The following NRP2 variants were observed in gnomAD, a reference collection of about 807,000 sequenced individuals.
NRP2 encodes the protein neuropilin-2.
NRP2 carries 52 observed loss-of-function variants against 110.4 expected under a neutral mutation model. That is an observed-to-expected ratio of 0.47 (90% CI 0.38 to 0.59). The LOEUF (loss-of-function observed/expected upper bound fraction) is 0.59, where lower values mean the gene tolerates loss of function less well. Ranked by LOEUF, NRP2 falls within the 20% of genes least tolerant of loss-of-function variation. NRP2 has a pLI of 0.00. For synonymous variants in NRP2, 508 were observed against 468.9 expected, an observed-to-expected ratio of 1.08 and a Z score of -1.08; for missense variants, 1,049 against 1,203.0, an observed-to-expected ratio of 0.87 and a Z score of 1.89.
At chr2:205,695,973 T>A (rs2056415982) in intron 1 of NRP2, among the ~76,000 whole-genome samples, 1 of 152,030 alleles carries the variant, frequency 6.6e-6, no homozygotes, top group Non-Finnish European at 1.5e-5. Flanking sequence ...TGCAGGGTCA[T>A]TAGGTAAGAA....
rs1559339387 is a variant in NRP2 at position 205,740,509 on chromosome 2, T to C, written c.1147-10T>C. On this transcript the variant is annotated splice_polypyrimidine_tract_variant and intron_variant, in intron 7 of 16. Coordinates refer to ENST00000357785, the MANE Select transcript of NRP2 (RefSeq NM_003872.3). Reference sequence around the variant, plus strand: ...GTTTCAATAACATGGTTTTGCATCTTACGCTACAGGTATTTCAAGCCAACA... The same window carrying C: ...GTTTCAATAACATGGTTTTGCATCTCACGCTACAGGTATTTCAAGCCAACA... The C allele has an allele frequency of 1.2e-6, 2 of 1,614,220 alleles. No individual in the cohort carries two copies. Among genetic ancestry groups the C allele is most frequent in the East Asian group, 2.2e-5 (1 of 44,894 alleles).
Position 205,725,976 on chromosome 2 carries a change from C to T in NRP2, c.884C>T (p.Ala295Val). Residue 295 changes from alanine (A) to valine (V), a missense_variant, in exon 6 of 17, where the codon GCC becomes GTC. Coordinates refer to ENST00000357785, the MANE Select transcript of NRP2 (RefSeq NM_003872.3). This position sits in a 1 kb window ranked among gnomAD's most constrained non-coding sequence, Gnocchi z 4.1. Reference protein sequence around the residue: ...SGRIANEQISASSTYSDGRWT... With the variant: ...SGRIANEQISVSSTYSDGRWT... Reference sequence around the variant, plus strand: ...CGGATTGCTAATGAACAGATCAGTGCCTCATCTACCTACTCTGATGGGAGG... The same window carrying T: ...CGGATTGCTAATGAACAGATCAGTGTCTCATCTACCTACTCTGATGGGAGG... The T allele has an allele frequency of 1.2e-6, 2 of 1,614,020 alleles. No homozygotes were observed. The highest frequency in any genetic ancestry group is 1.7e-6 in the Non-Finnish European group (2 of 1,179,908).
intron 15 of NRP2, among the ~76,000 whole-genome samples, chr2:205,780,299 T>C (rs897902766): frequency 1.3e-5 from 2 of 152,226 alleles, no homozygotes; most frequent in African/African-American, 4.8e-5. Context: ...ATGATGACTG[T>C]GGACATAGAA....
intron 15 of NRP2, among the ~76,000 whole-genome samples, chr2:205,780,303 CAT>C (rs993545280): frequency 3.0e-4 from 46 of 152,180 alleles, no homozygotes; most frequent in African/African-American, 1.1e-3. Context: ...TGACTGTGGA[CAT>C]AGAACTATCA....
chr2:205,722,245 T>A, intron 3 of NRP2: 1 of 512,004 alleles, frequency 2.0e-6, no homozygotes, highest in Non-Finnish European at 3.6e-6. Context: ...CCCCAATTCC[T>A]CAATTGCTGC....
chr2:205,764,401 G>A (rs1482644938), intron 13 of NRP2: 3 of 189,928 alleles, frequency 1.6e-5, no homozygotes, highest in Non-Finnish European at 3.3e-5. Context: ...GACATGAGAG[G>A]CTCCAGAGTG....
chr2:205,724,588 A>G (rs919098440), intron 5 of NRP2, among the ~76,000 whole-genome samples: 3 of 151,894 alleles, frequency 2.0e-5, no homozygotes, highest in East Asian at 3.9e-4. Context: ...AACATCTTCA[A>G]ATCAGCTGCT....
chr2:205,734,180 A>G (rs2057297126), intron 7 of NRP2, among the ~76,000 whole-genome samples: 1 of 151,876 alleles, frequency 6.6e-6, no homozygotes, highest in Admixed American at 6.6e-5. Flanking sequence ...TTATATATAT[A>G]TATATATACA....
intron 7 of NRP2, among the ~76,000 whole-genome samples, chr2:205,738,647 C>G (rs556398189): frequency 2.6e-5 from 4 of 152,268 alleles, no homozygotes; most frequent in African/African-American, 9.6e-5. Flanking sequence ...CTCACTCCTT[C>G]TCATCCACAA....
At chr2:205,790,365 G>A (rs2058285681) in intron 15 of NRP2, among the ~76,000 whole-genome samples, 1 of 152,152 alleles carries the variant, frequency 6.6e-6, no homozygotes, top group South Asian at 2.1e-4. Flanking sequence ...TTTCCAGCCA[G>A]TGATCTATGG....
chr2:205,752,744 G>A, intron 11 of NRP2, 91 bp from the exon 12 acceptor site: 1 of 1,379,192 alleles, frequency 7.3e-7, no homozygotes, highest in East Asian at 2.3e-5. Flanking sequence ...TCTCCACTCA[G>A]GCCTTGCCAG....
chr2:205,700,936 C>A, intron 2 of NRP2: 2 of 325,830 alleles, frequency 6.1e-6, no homozygotes, highest in South Asian at 2.4e-5. Context: ...GACAAAAGGG[C>A]GAGACTACGG....
chr2:205,717,838 C>T (rs1212097423), intron 3 of NRP2, among the ~76,000 whole-genome samples: 3 of 152,358 alleles, frequency 2.0e-5, no homozygotes, highest in Admixed American at 6.5e-5. Flanking sequence ...GATGCTTGCT[C>T]TCTTCGGGTT....
intron 15 of NRP2, chr2:205,776,377 G>C (rs1483039179): frequency 6.2e-7 from 1 of 1,613,312 alleles, no homozygotes; most frequent in Non-Finnish European, 8.5e-7. Context: ...GCTGGCCCTG[G>C]TGCTCCACTA....
At chr2:205,778,068 T>G (rs1339448010) in intron 15 of NRP2, 2 of 152,174 alleles carry the variant, frequency 1.3e-5, no homozygotes, top group Non-Finnish European at 2.9e-5. Flanking sequence ...AAATGCAAAT[T>G]TTAAGATTCT....
At chr2:205,752,093 A>G (rs539622874) in intron 11 of NRP2, among the ~76,000 whole-genome samples, 1 of 152,320 alleles carries the variant, frequency 6.6e-6, no homozygotes, top group African/African-American at 2.4e-5. Flanking sequence ...GGATTCCCAT[A>G]GGGAAAGCAT....
At chr2:205,776,846 G>T (rs1470271828) in intron 15 of NRP2, 2 of 1,269,760 alleles carry the variant, frequency 1.6e-6, no homozygotes, top group African/African-American at 3.0e-5. Flanking sequence ...AGACTGGTTC[G>T]CTTGTTTTTT....
At chr2:205,697,158 A>G (rs1021697110) in intron 1 of NRP2, among the ~76,000 whole-genome samples, 56 of 152,052 alleles carry the variant, frequency 3.7e-4, no homozygotes, top group African/African-American at 1.3e-3. Context: ...TGAGATAAAG[A>G]TAGAGATAGG....
intron 10 of NRP2, among the ~76,000 whole-genome samples, chr2:205,747,233 C>T (rs565566053): frequency 2.0e-5 from 3 of 152,284 alleles, no homozygotes; most frequent in South Asian, 2.1e-4. Flanking sequence ...GTGGTGTATA[C>T]GGGGTACAGT....
Sources: gnomAD v4.1 joint callset for allele counts (sites outside exome capture counted in the v4.1 genomes callset) on GRCh38, gnomAD v4.1.1 for gene constraint, Gnocchi (gnomAD v3.1) non-coding constraint, MANE v1.5 for transcripts, NCBI Gene and HGNC (gene_info 2026-07-23, HGNC 2026-07-21) for gene names.